The following PDE1C variants were observed in gnomAD, a reference collection of about 807,000 sequenced individuals.
The protein encoded by PDE1C is dual specificity calcium/calmodulin-dependent 3',5'-cyclic nucleotide phosphodiesterase 1C.
A neutral mutation model predicts 93.1 loss-of-function variants in PDE1C; 62 were observed. The ratio of observed to expected loss-of-function variants is 0.67; its 90% confidence interval spans 0.54 to 0.82. The LOEUF is 0.82. PDE1C is among the 40% of genes least tolerant of loss of function. The pLI, the probability that PDE1C is intolerant of heterozygous loss-of-function variation, is 0.00. For synonymous variants in PDE1C, 325 were observed against 310.1 expected (o/e 1.05, Z -0.50); for missense variants, 742 against 884.6 (o/e 0.84, Z 2.04).
intron 2 of PDE1C, among the ~76,000 whole-genome samples, chr7:32,047,052 T>TGTGTGC (rs1246829772): frequency 6.8e-5 from 8 of 117,294 alleles, no homozygotes; most frequent in African/African-American, 2.7e-4. Context: ...TGTGTGTGTG[T>TGTGTGC]GCGAGACAGA....
At chr7:31,924,860 T>C (rs1333484364) in intron 2 of PDE1C, among the ~76,000 whole-genome samples, 2 of 152,254 alleles carry the variant, frequency 1.3e-5, no homozygotes, top group Admixed American at 6.5e-5. Flanking sequence ...CTTTCAATGC[T>C]GCTTCATTTA....
intron 1 of PDE1C, among the ~76,000 whole-genome samples, chr7:32,234,856 A>G (rs1164517556): frequency 6.6e-6 from 1 of 152,036 alleles, no homozygotes; most frequent in African/African-American, 2.4e-5. Context: ...ATGTACATAG[A>G]TGTAAATACC....
At chr7:32,082,735 G>A (rs1001276577) in intron 3 of PDE1C, among the ~76,000 whole-genome samples, 13 of 152,188 alleles carry the variant, frequency 8.5e-5, no homozygotes, top group African/African-American at 2.9e-4. Flanking sequence ...TGATACCCAG[G>A]CAAACAGCGT....
Position 32,184,048 on chromosome 7 carries a change from T to C in PDE1C, c.137-14092A>G, listed in dbSNP as rs896295632. ...TGCAGCCAAAAGACACATGAAAAAA[T>C]GCTCATCATCACTGGCCATCAGAGA... On this transcript the variant is annotated intron_variant, in intron 2 of 18. Coordinates refer to the PDE1C transcript ENST00000396193. 8.5e-4 allele frequency among the ~76,000 whole-genome samples: 130 copies of C among 152,206 alleles called. 1 individual carries two copies. The highest frequency in any genetic ancestry group is 3.0e-3 in the African/African-American group (126 of 41,524).
chr7:31,834,949 G>A (rs561681537), intron 11 of PDE1C, among the ~76,000 whole-genome samples: 2 of 152,162 alleles, frequency 1.3e-5, no homozygotes, highest in East Asian at 3.9e-4. Context: ...GGATGAACCT[G>A]GTGAGAGATA....
Position 31,752,488 on chromosome 7 carries a change from A to T in PDE1C, c.*896T>A, listed in dbSNP as rs748248918. On this transcript the variant is annotated 3_prime_UTR_variant, in exon 18 of 18. Transcript: ENST00000396191. ...TTAAATTCTTTATTTTCAGTCCAGA[A>T]CAATCTGAAAATAAAGAATTTAAAC... is the stretch of plus-strand genomic sequence containing the variant. The T allele has an allele frequency of 2.6e-5, 4 of 152,082 alleles. No individual in the cohort carries two copies. The highest frequency in any genetic ancestry group is 4.8e-5 in the African/African-American group (2 of 41,432). The allele number at this position is 152,082 out of a possible 1,614,324, so 9.4% of individuals were successfully genotyped here. A position where few individuals can be genotyped will look rare whatever the true frequency, so the allele number is the denominator to read the frequency against.
intron 1 of PDE1C, among the ~76,000 whole-genome samples, chr7:32,345,412 C>T (rs1219498268): frequency 1.3e-5 from 2 of 152,150 alleles, no homozygotes; most frequent in Admixed American, 6.5e-5. Context: ...CAACTGCCAC[C>T]GTGGCTTCCA....
At chr7:31,803,336 T>C (rs1786313814) in intron 16 of PDE1C, among the ~76,000 whole-genome samples, 1 of 151,860 alleles carries the variant, frequency 6.6e-6, no homozygotes, top group African/African-American at 2.4e-5. Context: ...TTTATGTATT[T>C]GTCTGCTAAT....
intron 1 of PDE1C, among the ~76,000 whole-genome samples, chr7:32,253,934 A>T (rs953733761): frequency 1.3e-5 from 2 of 152,170 alleles, no homozygotes; most frequent in Non-Finnish European, 2.9e-5. Flanking sequence ...GATAAGCCTG[A>T]GAACACCATC....
At chr7:31,665,230 A>G in the PDE1C span, among the ~76,000 whole-genome samples, 2 of 152,166 alleles carry the variant, frequency 1.3e-5, no homozygotes, top group African/African-American at 4.8e-5. Context: ...GTATCTTCTC[A>G]TTCAGATCTC....
rs149039146 is a variant in PDE1C, at chr7:31,952,875, C to T, written c.129-72015G>A. Among the ~76,000 whole-genome samples, 11 of 152,192 alleles carry T rather than the reference C, an allele frequency of 7.2e-5. No homozygotes were observed. In the East Asian group the frequency reaches 2.1e-3, roughly 29 times the overall value. ...TGGTATCACCCTTAACAAGACAATG[C>T]CAACCATCTAAGTTCCCTCGCCCCA... On this transcript the variant is annotated intron_variant, in intron 2 of 17. Coordinates refer to ENST00000396191, the MANE Select transcript of PDE1C (RefSeq NM_001191057.4).
rs79919839 is a variant in PDE1C at position 32,040,067 on chromosome 7, G to A, written c.128+11487C>T. 4.7e-3 allele frequency among the ~76,000 whole-genome samples: 710 copies of A among 152,242 alleles called. 7 individuals are homozygous for A. Among genetic ancestry groups the A allele is most frequent in the African/African-American group, 0.016 (664 of 41,540 alleles). On this transcript the variant is annotated intron_variant, in intron 2 of 17. Transcript: ENST00000396191. ...AAAATTTTCCTTGTGAAATGTAAAT[G>A]TATCTAATACACCTATAAAATCTTG...
chr7:31,736,390 A>T, the PDE1C span, among the ~76,000 whole-genome samples: 1 of 152,160 alleles, frequency 6.6e-6, no homozygotes, highest in Non-Finnish European at 1.5e-5. Context: ...GAGTTCCCCA[A>T]ACTGGAGACC....
intron 1 of PDE1C, among the ~76,000 whole-genome samples, chr7:32,293,767 T>C (rs1812475818): frequency 6.6e-6 from 1 of 152,144 alleles, no homozygotes; most frequent in African/African-American, 2.4e-5. Flanking sequence ...CCATGAGCAC[T>C]GGGAGGAGGC....
At chr7:31,705,038 T>C in the PDE1C span, among the ~76,000 whole-genome samples, 1 of 152,288 alleles carries the variant, frequency 6.6e-6, no homozygotes, top group Non-Finnish European at 1.5e-5. Flanking sequence ...TATTTTTTCA[T>C]TATAAGACAT....
chr7:32,051,526 C>G (rs371802321), intron 2 of PDE1C, 28 bp downstream of exon 2: 4 of 1,611,342 alleles, frequency 2.5e-6, no homozygotes, highest in Admixed American at 1.7e-5. Context: ...ATGAATCAAC[C>G]AGTTGCAGCT....
intron 11 of PDE1C, among the ~76,000 whole-genome samples, chr7:31,832,085 A>T (rs1790486019): frequency 6.6e-6 from 1 of 152,188 alleles, no homozygotes; most frequent in Admixed American, 6.5e-5. Flanking sequence ...CTGAATTGAT[A>T]AAAATAAAAA....
intron 2 of PDE1C, among the ~76,000 whole-genome samples, chr7:32,048,820 C>T (rs1792954716): frequency 6.6e-6 from 1 of 152,146 alleles, no homozygotes; most frequent in South Asian, 2.1e-4. Flanking sequence ...CAAACTGATC[C>T]TCTATTAATT....
chr7:31,746,728 G>A (rs1353450300), downstream of PDE1C, among the ~76,000 whole-genome samples: 2 of 152,180 alleles, frequency 1.3e-5, no homozygotes, highest in Non-Finnish European at 2.9e-5. Flanking sequence ...TGAGAATGGT[G>A]TAGAGTCAGA....
Sources: allele counts gnomAD v4.1 joint callset (sites outside exome capture counted in the v4.1 genomes callset), GRCh38; gene constraint gnomAD v4.1.1; transcripts MANE v1.5; gene names NCBI Gene and HGNC (gene_info 2026-07-23, HGNC 2026-07-21).